The following KIF3A variants were observed in gnomAD, a reference collection of about 807,000 sequenced individuals.
The protein encoded by KIF3A is kinesin-like protein KIF3A.
In KIF3A, 27 loss-of-function variants were observed where a neutral mutation model predicts 92.6. That is an observed-to-expected ratio of 0.29 (90% CI 0.21 to 0.40). KIF3A has a LOEUF of 0.40. Ranked by LOEUF, KIF3A falls within the 10% of genes least tolerant of loss-of-function variation. The pLI, the probability that KIF3A is intolerant of heterozygous loss-of-function variation, is 1.00. For missense variants in KIF3A, 581 were observed against 872.6 expected, an observed-to-expected ratio of 0.67 and a Z score of 4.21; for synonymous variants, 250 against 275.4, an observed-to-expected ratio of 0.91 and a Z score of 0.92.
At chr5:132,716,524 T>C in intron 6 of KIF3A, 82 bp from the exon 7 acceptor site, 1 of 1,208,584 alleles carries the variant, frequency 8.3e-7, no homozygotes, top group Non-Finnish European at 1.2e-6. Context: ...TAAAAAGTAA[T>C]GTAACAGTAA....
intron 4 of KIF3A, among the ~76,000 whole-genome samples, chr5:132,724,790 A>G (rs868405575): frequency 0.015 from 901 of 61,508 alleles, 34 homozygotes; most frequent in African/African-American, 0.075. Context: ...CTTAAAGTAT[A>G]ATAAAAAAAA....
At chr5:132,712,926 G>A (rs566203982) in intron 8 of KIF3A, among the ~76,000 whole-genome samples, 13 of 152,284 alleles carry the variant, frequency 8.5e-5, no homozygotes, top group Admixed American at 4.6e-4. Context: ...TTGAGATGCC[G>A]AGGCAGGCAG....
intron 2 of KIF3A, among the ~76,000 whole-genome samples, chr5:132,731,363 A>G (rs947343143): frequency 1.3e-5 from 2 of 152,178 alleles, no homozygotes; most frequent in African/African-American, 4.8e-5. Flanking sequence ...AAATCAATCA[A>G]TGTAATTGAC....
chr5:132,727,782 G>A (rs1037011538), intron 2 of KIF3A, among the ~76,000 whole-genome samples: 4 of 152,212 alleles, frequency 2.6e-5, no homozygotes, highest in Non-Finnish European at 5.9e-5. Context: ...GGGAAACAGA[G>A]GGCTGGAGTA....
intron 1 of KIF3A, among the ~76,000 whole-genome samples, chr5:132,735,306 C>T (rs1020633461): frequency 6.6e-6 from 1 of 152,132 alleles, no homozygotes; most frequent in Non-Finnish European, 1.5e-5. Context: ...AACTCCTGAC[C>T]GCAAGTGATC....
At chr5:132,705,503 G>A (rs1753181100) in intron 11 of KIF3A, among the ~76,000 whole-genome samples, 1 of 151,878 alleles carries the variant, frequency 6.6e-6, no homozygotes, top group Non-Finnish European at 1.5e-5. Flanking sequence ...AAAATAAAAA[G>A]TTTTTTAAAT....
chr5:132,725,170 G>C (rs527370801), intron 4 of KIF3A, among the ~76,000 whole-genome samples: 2 of 151,784 alleles, frequency 1.3e-5, no homozygotes, highest in Admixed American at 6.6e-5. Flanking sequence ...GGACATGAAA[G>C]CACAGAATTA....
chr5:132,728,925 T>C (rs1754131535), intron 2 of KIF3A, among the ~76,000 whole-genome samples: 1 of 151,894 alleles, frequency 6.6e-6, no homozygotes, highest in Admixed American at 6.6e-5. Flanking sequence ...CTACAAAAAA[T>C]TTTAAAAATT....
chr5:132,701,502 CAAAAAAAAAA>C (rs5871462), intron 15 of KIF3A, among the ~76,000 whole-genome samples: 6 of 101,218 alleles, frequency 5.9e-5, no homozygotes, highest in Non-Finnish European at 1.2e-4. Context: ...GTCTCCCTGA[CAAAAAAAAAA>C]AAAAAAAAAA....
intron 2 of KIF3A, among the ~76,000 whole-genome samples, chr5:132,729,167 T>A (rs1021167749): frequency 6.6e-6 from 1 of 151,742 alleles, no homozygotes; most frequent in African/African-American, 2.4e-5. Flanking sequence ...AGACTACACA[T>A]TGGGTACAGT....
chr5:132,736,108 C>T (rs1754381196), intron 1 of KIF3A, among the ~76,000 whole-genome samples: 1 of 152,228 alleles, frequency 6.6e-6, no homozygotes, highest in South Asian at 2.1e-4. Flanking sequence ...GCACCCTGCT[C>T]TCCCCTTCCT....
At chr5:132,732,493 C>T (rs1044536638) in intron 2 of KIF3A, among the ~76,000 whole-genome samples, 1 of 152,096 alleles carries the variant, frequency 6.6e-6, no homozygotes, top group Non-Finnish European at 1.5e-5. Flanking sequence ...TAATGAATTG[C>T]TGGCCTAGTG....
chr5:132,724,856 TTA>T (rs1197243703), intron 4 of KIF3A, among the ~76,000 whole-genome samples: 4 of 24,130 alleles, frequency 1.7e-4, no homozygotes, highest in Non-Finnish European at 3.3e-4. Flanking sequence ...TATATATATA[TTA>T]AAAAATCATT....
chr5:132,708,006 G>A (rs1014530562), intron 10 of KIF3A, among the ~76,000 whole-genome samples: 16 of 152,070 alleles, frequency 1.1e-4, no homozygotes, highest in Non-Finnish European at 1.6e-4. Context: ...AAAATCAGCC[G>A]GGCGCAGTGG....
At chr5:132,720,800 T>C in intron 4 of KIF3A, 86 bp from the exon 5 acceptor site, 1 of 717,222 alleles carries the variant, frequency 1.4e-6, no homozygotes, top group East Asian at 2.7e-5. Flanking sequence ...GACACTCTAC[T>C]AGACAGAGGG....
intron 4 of KIF3A, 67 bp downstream of exon 4, chr5:132,726,061 G>A (rs1442864752): frequency 1.8e-5 from 20 of 1,109,080 alleles, no homozygotes; most frequent in East Asian, 2.4e-5. Flanking sequence ...AAAAGAAGGG[G>A]GACCTTAATT....
chr5:132,726,244 G>C (rs1321192127), intron 3 of KIF3A, 32 bp from the exon 4 acceptor site: 2 of 1,585,418 alleles, frequency 1.3e-6, no homozygotes, highest in South Asian at 1.1e-5. Flanking sequence ...AAGTCAAAGA[G>C]TGAAATATTC....
chr5:132,732,881 C>T (rs1283293251), intron 2 of KIF3A, among the ~76,000 whole-genome samples: 1 of 151,644 alleles, frequency 6.6e-6, no homozygotes, highest in Non-Finnish European at 1.5e-5. Flanking sequence ...TGCAATCCAG[C>T]CTGGGCGACA....
intron 1 of KIF3A, among the ~76,000 whole-genome samples, chr5:132,736,489 C>A (rs1262942738): frequency 6.6e-6 from 1 of 152,216 alleles, no homozygotes. Context: ...CCCAAGAAGG[C>A]AAGCCTCTCT....
Sources: allele counts gnomAD v4.1 joint callset (sites outside exome capture counted in the v4.1 genomes callset), GRCh38; gene constraint gnomAD v4.1.1; transcripts MANE v1.5; gene names NCBI Gene and HGNC (gene_info 2026-07-23, HGNC 2026-07-21).